The following SPAG16 variants were observed in gnomAD, a reference collection of about 807,000 sequenced individuals.
SPAG16 encodes sperm associated antigen 16.
SPAG16 carries 86 observed loss-of-function variants against 80.4 expected under a neutral mutation model. That is an observed-to-expected ratio of 1.07 (90% CI 0.90 to 1.28). SPAG16 has a LOEUF of 1.28. Ranked by LOEUF, SPAG16 falls within the 50% of genes most tolerant of loss-of-function variation. The pLI, the probability that SPAG16 is intolerant of heterozygous loss-of-function variation, is 0.00. For synonymous variants in SPAG16, 294 were observed against 265.9 expected, an observed-to-expected ratio of 1.11 and a Z score of -1.03; for missense variants, 870 against 765.3, an observed-to-expected ratio of 1.14 and a Z score of -1.61.
chr2:213,463,797 G>C (rs1418257127), intron 9 of SPAG16, among the ~76,000 whole-genome samples: 1 of 152,244 alleles, frequency 6.6e-6, no homozygotes, highest in African/African-American at 2.4e-5. Context: ...CCCATACAGA[G>C]GCCCCACTGG....
intron 10 of SPAG16, among the ~76,000 whole-genome samples, chr2:213,828,248 A>G (rs1363679464): frequency 6.6e-6 from 1 of 152,040 alleles, no homozygotes; most frequent in African/African-American, 2.4e-5. Flanking sequence ...ATGTTTTCAA[A>G]TAGCCTGTCT....
chr2:213,981,840 T>TAAA (rs1559655557), intron 12 of SPAG16, among the ~76,000 whole-genome samples: 1 of 151,936 alleles, frequency 6.6e-6, no homozygotes, highest in African/African-American at 2.4e-5. Context: ...ATCAAATGAG[T>TAAA]TAGTTGACAA....
At chr2:213,954,333 T>C (rs116239210) in intron 12 of SPAG16, among the ~76,000 whole-genome samples, 4,339 of 152,148 alleles carry the variant, frequency 0.029, 83 homozygotes, top group Non-Finnish European at 0.041. Flanking sequence ...AGTTCATCAA[T>C]GTTGTAGTAT....
At chr2:213,559,826 G>C (rs922494428) in intron 10 of SPAG16, among the ~76,000 whole-genome samples, 1 of 151,670 alleles carries the variant, frequency 6.6e-6, no homozygotes. Flanking sequence ...TTCAACAAAG[G>C]TACACTTAAT....
chr2:213,530,927 TTGCTTAAATAAGAAAATATTACTTGAA>T (rs2076045000), intron 10 of SPAG16, among the ~76,000 whole-genome samples: 1 of 152,198 alleles, frequency 6.6e-6, no homozygotes, highest in South Asian at 2.1e-4. Flanking sequence ...CATTGTCTTC[TTGCTTAAATAAGAAAATATTACTTGAA>T]TTTATGAATC....
Position 214,376,907 on chromosome 2 carries a change from T to C in SPAG16, c.1721-33233T>C, listed in dbSNP as rs573996149. 1.5e-4 allele frequency among the ~76,000 whole-genome samples: 23 copies of C among 152,340 alleles called. No homozygotes were observed. In the East Asian group the frequency reaches 4.2e-3, roughly 28 times the overall value. On this transcript the variant is annotated intron_variant, in intron 15 of 15. Transcript: ENST00000331683. ...GGTTTGAACTGCCTCGGTGCACTTA[T>C]GCAAATTTATTATAAAAATTTAAAA...
At chr2:214,165,226 A>G (rs111695642) in intron 15 of SPAG16, among the ~76,000 whole-genome samples, 1 of 151,976 alleles carries the variant, frequency 6.6e-6, no homozygotes, top group Non-Finnish European at 1.5e-5. Context: ...GGGGAAAACT[A>G]TTATATCAGT....
rs2126015197 is a variant in SPAG16, at chr2:214,332,985, C to T, written c.1721-77155C>T. On this transcript the variant is annotated intron_variant, in intron 15 of 15. Transcript: ENST00000331683. ...GAAAGTTATGATGTGATGCTTTAGTCTCGAGATATCAATGTCAGCAATTCT... is the reference window on the plus strand; with the variant it reads ...GAAAGTTATGATGTGATGCTTTAGTTTCGAGATATCAATGTCAGCAATTCT... 2.6e-5 allele frequency among the ~76,000 whole-genome samples: 4 copies of T among 152,292 alleles called. No individual in the cohort carries two copies. The South Asian group carries it at 8.3e-4, about 32-fold the overall frequency.
chr2:214,188,533 A>G (rs1159721816), intron 15 of SPAG16, among the ~76,000 whole-genome samples: 5 of 152,144 alleles, frequency 3.3e-5, no homozygotes, highest in Non-Finnish European at 7.4e-5. Flanking sequence ...ATCTGGATCT[A>G]TTTCTCTGTA....
chr2:213,640,995 A>C (rs926600208), intron 10 of SPAG16, among the ~76,000 whole-genome samples: 16 of 152,208 alleles, frequency 1.1e-4, no homozygotes, highest in African/African-American at 3.6e-4. Context: ...AGGGCTATAG[A>C]GCTTCCAAGA....
chr2:213,450,779 T>A (rs1333778149), intron 9 of SPAG16, among the ~76,000 whole-genome samples: 1 of 152,212 alleles, frequency 6.6e-6, no homozygotes, highest in African/African-American at 2.4e-5. Context: ...AATATTCACC[T>A]GCATGTAGCT....
chr2:213,657,112 T>C (rs2063249653), intron 10 of SPAG16, among the ~76,000 whole-genome samples: 2 of 152,200 alleles, frequency 1.3e-5, no homozygotes, highest in Admixed American at 1.3e-4. Flanking sequence ...GCTGGTCTTT[T>C]CATTTTTACC....
intron 10 of SPAG16, among the ~76,000 whole-genome samples, chr2:213,808,881 C>T (rs894885223): frequency 1.3e-5 from 2 of 151,928 alleles, no homozygotes; most frequent in Admixed American, 1.3e-4. Flanking sequence ...CTTGTCAGGC[C>T]CCATGTTCTA....
chr2:213,821,616 G>A (rs1336423666), intron 10 of SPAG16, among the ~76,000 whole-genome samples: 1 of 152,008 alleles, frequency 6.6e-6, no homozygotes, highest in East Asian at 1.9e-4. Context: ...ATTGACTGTA[G>A]TCACCATGTT....
intron 9 of SPAG16, among the ~76,000 whole-genome samples, chr2:213,382,945 G>A (rs925110058): frequency 6.6e-6 from 1 of 152,130 alleles, no homozygotes. Context: ...CATCACAGAT[G>A]GGAGGAGAGA....
At chr2:213,910,313 T>C (rs1293536088) in intron 11 of SPAG16, among the ~76,000 whole-genome samples, 2 of 152,224 alleles carry the variant, frequency 1.3e-5, no homozygotes, top group African/African-American at 4.8e-5. Flanking sequence ...TTCTGACTTC[T>C]CTTCAGATCA....
chr2:213,564,665 G>A (rs1330436058), intron 10 of SPAG16, among the ~76,000 whole-genome samples: 1 of 152,120 alleles, frequency 6.6e-6, no homozygotes, highest in Non-Finnish European at 1.5e-5. Context: ...AGTTGTTGAT[G>A]TAAAAACCAC....
chr2:213,871,867 CACACACACACACAGAGAGAGAGAG>C lies in SPAG16; in HGVS notation c.1214+9241_1214+9264del, dbSNP rs769953867. On this transcript the variant is annotated intron_variant, in intron 11 of 15. Coordinates refer to ENST00000331683, the MANE Select transcript of SPAG16 (RefSeq NM_024532.5). The stretch of plus-strand genomic sequence containing the variant: ...ACACACACACACACACACACACACA[CACACACACACACAGAGAGAGAGAG>C]AGAGAGAGCAAACAGCAGTAAAAAC... 5.3e-3 allele frequency among the ~76,000 whole-genome samples: 255 copies of C among 48,340 alleles called. 2 individuals are homozygous for C. The highest frequency in any genetic ancestry group is 0.019 in the Middle Eastern group (2 of 106). 31.7% of individuals were successfully genotyped at this position (48,340 alleles called of 152,430 possible).
intron 10 of SPAG16, among the ~76,000 whole-genome samples, chr2:213,742,764 G>A (rs1056914194): frequency 1.1e-4 from 16 of 151,196 alleles, no homozygotes; most frequent in African/African-American, 3.6e-4. Context: ...TGTTGGCCAG[G>A]CTGGTCCTGA....
Sources: gnomAD v4.1 joint callset for allele counts (sites outside exome capture counted in the v4.1 genomes callset) on GRCh38, gnomAD v4.1.1 for gene constraint, MANE v1.5 for transcripts, NCBI Gene and HGNC (gene_info 2026-07-23, HGNC 2026-07-21) for gene names.